Variants in SCAI observed in about 807,000 individuals in gnomAD.
The protein encoded by SCAI is protein SCAI.
A neutral mutation model predicts 92.2 loss-of-function variants in SCAI; 24 were observed. The ratio of observed to expected loss-of-function variants is 0.26; its 90% CI spans 0.19 to 0.37. SCAI has a LOEUF of 0.37. SCAI is among the 10% of genes least tolerant of loss of function. The pLI is 1.00. For synonymous variants in SCAI, 261 were observed against 258.6 expected, an observed-to-expected ratio of 1.01 and a Z score of -0.09; for missense variants, 450 against 736.2, an observed-to-expected ratio of 0.61 and a Z score of 4.50.
rs113355128 is a variant in SCAI at position 124,998,694 on chromosome 9, T to G, written c.1244+1197A>C. On this transcript the variant is annotated intron_variant, in intron 13 of 17. Coordinates refer to ENST00000336505, the MANE Select transcript of SCAI (RefSeq NM_001144877.3). ...ACCCAGACTGGAGCACAATCTCAGT[T>G]CACTGCAACCTCGACCTAATGGGTT... Among the ~76,000 whole-genome samples, 328 of 152,262 alleles carry G rather than the reference T, an allele frequency of 2.2e-3. 1 individual carries two copies. The highest frequency in any genetic ancestry group is 7.5e-3 in the African/African-American group (313 of 41,550).
chr9:124,969,185 T>C (rs1831602343), intron 17 of SCAI, among the ~76,000 whole-genome samples: 1 of 152,188 alleles, frequency 6.6e-6, no homozygotes, highest in Non-Finnish European at 1.5e-5. Flanking sequence ...CCTGAAGTGA[T>C]GCTCCTGTCT....
intron 2 of SCAI, among the ~76,000 whole-genome samples, chr9:125,101,732 T>C (rs566080439): frequency 1.3e-5 from 2 of 152,278 alleles, no homozygotes; most frequent in South Asian, 2.1e-4. Context: ...CAGGGATGAA[T>C]ACATAGTACT....
chr9:124,992,550 A>AT (rs1832150404), intron 14 of SCAI, among the ~76,000 whole-genome samples: 1 of 151,662 alleles, frequency 6.6e-6, no homozygotes, highest in Non-Finnish European at 1.5e-5. Context: ...CTCCCAGCTA[A>AT]TTTTTTAATT....
At chr9:125,060,463 C>A (rs1833749701) in intron 2 of SCAI, among the ~76,000 whole-genome samples, 1 of 152,102 alleles carries the variant, frequency 6.6e-6, no homozygotes, top group Non-Finnish European at 1.5e-5. Context: ...AATATATAAC[C>A]AAAAAGATCA....
chr9:125,067,542 G>A (rs1337226117), intron 2 of SCAI, among the ~76,000 whole-genome samples: 1 of 152,182 alleles, frequency 6.6e-6, no homozygotes, highest in African/African-American at 2.4e-5. Context: ...CAGAAGCCGG[G>A]AGAGAGACCT....
intron 6 of SCAI, among the ~76,000 whole-genome samples, chr9:125,021,789 A>G (rs1029555301): frequency 6.6e-6 from 1 of 152,024 alleles, no homozygotes; most frequent in African/African-American, 2.4e-5. Context: ...TTTTTTGTTT[A>G]AGAGATGGAG....
At chr9:125,059,878 C>A (rs570975101) in intron 2 of SCAI, among the ~76,000 whole-genome samples, 2 of 152,260 alleles carry the variant, frequency 1.3e-5, no homozygotes, top group East Asian at 3.9e-4. Context: ...TGAACAAATC[C>A]TACTCTTATA....
intron 17 of SCAI, among the ~76,000 whole-genome samples, chr9:124,965,639 C>T (rs1028469803): frequency 7.2e-5 from 11 of 152,328 alleles, no homozygotes; most frequent in East Asian, 1.9e-4. Context: ...TGCCTGCTAA[C>T]GTAGCTACAG....
intron 1 of SCAI, 98 bp downstream of exon 1, chr9:125,143,287 T>C: frequency 4.1e-6 from 2 of 484,990 alleles, no homozygotes; most frequent in Non-Finnish European, 5.9e-6. Context: ...CTCCGGTCTC[T>C]GCGCCCCGAA....
intron 2 of SCAI, among the ~76,000 whole-genome samples, chr9:125,073,643 C>T (rs976709139): frequency 6.6e-6 from 1 of 152,130 alleles, no homozygotes; most frequent in Non-Finnish European, 1.5e-5. Context: ...TGGCCATTTG[C>T]ATATCTTCTT....
At chr9:125,012,175 A>G (rs1832654435) in intron 9 of SCAI, among the ~76,000 whole-genome samples, 1 of 152,178 alleles carries the variant, frequency 6.6e-6, no homozygotes, top group Non-Finnish European at 1.5e-5. Context: ...AAATTCACAC[A>G]TAACAATATT....
chr9:124,984,612 CG>C (rs1196854477), intron 14 of SCAI, among the ~76,000 whole-genome samples: 1 of 151,978 alleles, frequency 6.6e-6, no homozygotes, highest in Non-Finnish European at 1.5e-5. Context: ...GGATTATGGC[CG>C]GGGCAACTAT....
intron 2 of SCAI, among the ~76,000 whole-genome samples, chr9:125,092,286 C>A (rs540006904): frequency 1.3e-5 from 2 of 150,544 alleles, no homozygotes; most frequent in African/African-American, 4.9e-5. Flanking sequence ...GGTGAAACAC[C>A]GTCTCTACTA....
chr9:124,975,941 T>C (rs189688997), intron 15 of SCAI, among the ~76,000 whole-genome samples, 173 bp downstream of exon 15: 43 of 152,286 alleles, frequency 2.8e-4, no homozygotes, highest in African/African-American at 9.9e-4. Flanking sequence ...CATTAAGGGA[T>C]CCTGGTTGTT....
chr9:125,114,943 TTA>T, intron 2 of SCAI, among the ~76,000 whole-genome samples: 1 of 152,174 alleles, frequency 6.6e-6, no homozygotes, highest in African/African-American at 2.4e-5. Flanking sequence ...CAGCTAATTT[TTA>T]TATGTTTAGT....
intron 14 of SCAI, among the ~76,000 whole-genome samples, chr9:124,985,585 C>T (rs1480005789): frequency 6.6e-6 from 1 of 152,124 alleles, no homozygotes; most frequent in East Asian, 1.9e-4. Flanking sequence ...AATCCAATTT[C>T]AGCTGGGCAC....
At chr9:125,089,283 A>G (rs1268076630) in intron 2 of SCAI, among the ~76,000 whole-genome samples, 1 of 152,190 alleles carries the variant, frequency 6.6e-6, no homozygotes, top group African/African-American at 2.4e-5. Flanking sequence ...ACTTCTCTTC[A>G]TCTATTTCCA....
chr9:125,133,251 G>A (rs562882280), intron 2 of SCAI, among the ~76,000 whole-genome samples: 1 of 151,986 alleles, frequency 6.6e-6, no homozygotes, highest in South Asian at 2.1e-4. Context: ...TTCACCGGGT[G>A]TGGTAGCAGG....
rs71374225 is a variant in SCAI at position 125,092,131 on chromosome 9, T to TAAAA, written c.99-36128_99-36125dup. Among the ~76,000 whole-genome samples, 42 of 61,144 alleles carry TAAAA rather than the reference T, an allele frequency of 6.9e-4. 5 individuals carry two copies. Among genetic ancestry groups the TAAAA allele is most frequent in the South Asian group, 1.9e-3 (3 of 1,610 alleles). The allele number at this position is 61,144 out of a possible 152,430, so 40.1% of individuals were successfully genotyped here. ...GGCGACAGAGCAAGACTCCGTCTCTTAAAAAAAAAAAAAAAAAAAAAAAAA... is the reference window on the plus strand; with the variant it reads ...GGCGACAGAGCAAGACTCCGTCTCTTAAAAAAAAAAAAAAAAAAAAAAAAAAAAA... On this transcript the variant is annotated intron_variant, in intron 2 of 17. Transcript: ENST00000336505.
Sources: gnomAD v4.1 joint callset for allele counts (sites outside exome capture counted in the v4.1 genomes callset) on GRCh38, gnomAD v4.1.1 for gene constraint, MANE v1.5 for transcripts, NCBI Gene and HGNC (gene_info 2026-07-23, HGNC 2026-07-21) for gene names.